DLG2: variants seen among roughly 807,000 people sequenced by gnomAD.
The protein encoded by DLG2 is discs large MAGUK scaffold protein 2.
Under a neutral mutation model 132.5 loss-of-function variants are expected in DLG2, and 45 were observed. The observed-to-expected ratio is 0.34, with a 90% confidence interval of 0.27 to 0.44. The LOEUF is 0.44. Among genes scored for constraint, DLG2 ranks in the 20% least tolerant of loss-of-function variants. DLG2 has a pLI of 1.00. For synonymous variants in DLG2, 424 were observed against 419.6 expected (o/e 1.01, Z -0.13); for missense variants, 1,045 against 1,196.9 (o/e 0.87, Z 1.87).
At chr11:85,382,377 T>G (rs74957112) in intron 3 of DLG2, among the ~76,000 whole-genome samples, 1 of 152,054 alleles carries the variant, frequency 6.6e-6, no homozygotes, top group Non-Finnish European at 1.5e-5. Context: ...ACAAAATGGA[T>G]GAAATACCCA....
chr11:83,804,579 GACACAC>G (rs61221099), intron 17 of DLG2, among the ~76,000 whole-genome samples: 8 of 142,122 alleles, frequency 5.6e-5, no homozygotes, highest in South Asian at 4.6e-4. Flanking sequence ...CCTAGCAGAA[GACACAC>G]ACACACACAC....
At chr11:84,145,703 G>T (rs1454619201) in intron 9 of DLG2, among the ~76,000 whole-genome samples, 1 of 152,110 alleles carries the variant, frequency 6.6e-6, no homozygotes, top group Non-Finnish European at 1.5e-5. Context: ...CTGGAAGACA[G>T]CACTTGTTAA....
intron 6 of DLG2, among the ~76,000 whole-genome samples, chr11:84,622,501 C>A (rs2099615747): frequency 6.6e-6 from 1 of 152,166 alleles, no homozygotes. Flanking sequence ...CTTCATACAT[C>A]AGTCCTGCTT....
intron 3 of DLG2, among the ~76,000 whole-genome samples, chr11:85,459,799 G>A (rs2092546092): frequency 2.0e-5 from 3 of 152,158 alleles, no homozygotes. Flanking sequence ...TGAACCACCT[G>A]CAACTGAAAT....
Position 84,929,718 on chromosome 11 carries a change from G to A in DLG2, c.357+181943C>T, listed in dbSNP as rs1475696707. Reference sequence around the variant, plus strand: ...CAGTGTATATCAACTTAATGCAAGAGATGCTTTGTGTTAAATACATAAAAC... The same window carrying A: ...CAGTGTATATCAACTTAATGCAAGAAATGCTTTGTGTTAAATACATAAAAC... On this transcript the variant is annotated intron_variant, in intron 6 of 27. Transcript: ENST00000376104. Among the ~76,000 whole-genome samples, 6 of 152,230 alleles carry A rather than the reference G, an allele frequency of 3.9e-5. No individual in the cohort carries two copies. The East Asian group carries it at 1.2e-3, about 29-fold the overall frequency.
intron 6 of DLG2, among the ~76,000 whole-genome samples, chr11:84,842,073 C>T (rs2080769285): frequency 6.6e-6 from 1 of 151,866 alleles, no homozygotes; most frequent in Admixed American, 6.6e-5. Context: ...ATTTATACTG[C>T]CACCAATATC....
At chr11:85,499,275 T>A (rs1346611410) in intron 3 of DLG2, among the ~76,000 whole-genome samples, 1 of 151,900 alleles carries the variant, frequency 6.6e-6, no homozygotes, top group African/African-American at 2.4e-5. Context: ...TCACCACTGA[T>A]CCCACAGAAA....
intron 4 of DLG2, among the ~76,000 whole-genome samples, chr11:85,191,196 AC>A (rs2080540753): frequency 6.6e-6 from 1 of 151,070 alleles, no homozygotes; most frequent in African/African-American, 2.4e-5. Context: ...ACACACACAC[AC>A]ACACACACGT....
rs1413339181 is a variant in DLG2 at position 85,592,734 on chromosome 11, T to C, written c.40+5923A>G. ...GGAATGCCAAGGTGGGAGAATCACT[T>C]GAGCCCAGGAGTTCAACACCAGCCT... is the stretch of plus-strand genomic sequence containing the variant. On this transcript the variant is annotated intron_variant, in intron 3 of 27. Transcript: ENST00000376104. Among the ~76,000 whole-genome samples the C allele has an allele frequency of 2.0e-5, 3 of 152,218 alleles. No homozygotes were observed. The South Asian group carries it at 6.2e-4, about 32-fold the overall frequency.
chr11:83,928,291 T>C (rs1039924467), intron 15 of DLG2, among the ~76,000 whole-genome samples: 1 of 152,090 alleles, frequency 6.6e-6, no homozygotes, highest in African/African-American at 2.4e-5. Context: ...TATAATGTTT[T>C]TATTTGAAAA....
At chr11:83,875,487 T>G (rs1020608899) in intron 15 of DLG2, among the ~76,000 whole-genome samples, 3 of 152,148 alleles carry the variant, frequency 2.0e-5, no homozygotes, top group African/African-American at 7.2e-5. Flanking sequence ...TAGAGTCATT[T>G]TAAATTCTTA....
chr11:85,400,904 C>A (rs1208135646), intron 3 of DLG2, among the ~76,000 whole-genome samples: 1 of 148,422 alleles, frequency 6.7e-6, no homozygotes, highest in Non-Finnish European at 1.5e-5. Flanking sequence ...GCACATTGTG[C>A]ACATGTACCC....
chr11:84,331,584 C>T (rs2098459502), intron 7 of DLG2, among the ~76,000 whole-genome samples: 1 of 99,958 alleles, frequency 1.0e-5, no homozygotes, highest in Non-Finnish European at 2.0e-5. Flanking sequence ...GGGAGGTGGG[C>T]AGTGGGAGAG....
At chr11:84,136,353 T>G (rs1411746352) in intron 9 of DLG2, among the ~76,000 whole-genome samples, 1 of 151,974 alleles carries the variant, frequency 6.6e-6, no homozygotes, top group Non-Finnish European at 1.5e-5. Context: ...ACTAAAATCT[T>G]TTGTTTTCCT....
At chr11:84,723,119 A>G (rs1325615497) in intron 6 of DLG2, among the ~76,000 whole-genome samples, 1 of 152,200 alleles carries the variant, frequency 6.6e-6, no homozygotes, top group Non-Finnish European at 1.5e-5. Flanking sequence ...ATAGATCCTA[A>G]AAAAGCTGTA....
At chr11:85,408,012 A>G (rs767938393) in intron 3 of DLG2, among the ~76,000 whole-genome samples, 3 of 149,644 alleles carry the variant, frequency 2.0e-5, no homozygotes, top group South Asian at 2.2e-4. Context: ...TATCTAGACA[A>G]AAAAAAAAGA....
At chr11:84,768,961 T>A (rs2068837800) in intron 6 of DLG2, among the ~76,000 whole-genome samples, 1 of 152,114 alleles carries the variant, frequency 6.6e-6, no homozygotes, top group South Asian at 2.1e-4. Context: ...ATTAATAACA[T>A]TGTAGGGAAA....
In DLG2 at chr11:84,407,314, A is replaced by G. The variant is rs572343188; in HGVS notation, c.519+127256T>C. 3.3e-5 allele frequency among the ~76,000 whole-genome samples: 5 copies of G among 151,844 alleles called. No individual in the cohort carries two copies. The East Asian group carries it at 5.8e-4, about 18-fold the overall frequency. On this transcript the variant is annotated intron_variant, in intron 7 of 27. Coordinates refer to ENST00000376104, the MANE Select transcript of DLG2 (RefSeq NM_001142699.3). ...GGCCAGGGCCCTGCTAATCCCTGACAGACTTCCATGATTCTGACTTCTGAG... is the reference window on the plus strand; with the variant it reads ...GGCCAGGGCCCTGCTAATCCCTGACGGACTTCCATGATTCTGACTTCTGAG...
intron 3 of DLG2, among the ~76,000 whole-genome samples, chr11:85,323,088 C>A (rs1037402860): frequency 6.6e-6 from 1 of 152,190 alleles, no homozygotes; most frequent in East Asian, 1.9e-4. Flanking sequence ...TTCTTTCTAA[C>A]TCACCTGTCA....
Sources: allele counts gnomAD v4.1 joint callset (sites outside exome capture counted in the v4.1 genomes callset), GRCh38; gene constraint gnomAD v4.1.1; transcripts MANE v1.5; gene names NCBI Gene and HGNC (gene_info 2026-07-23, HGNC 2026-07-21).